SUMF2: variants seen among roughly 807,000 people sequenced by gnomAD.
SUMF2 encodes the protein sulfatase modifying factor 2, also known as inactive C-alpha-formylglycine-generating enzyme 2.
In SUMF2, 45 loss-of-function variants were observed where a neutral mutation model predicts 44.8. The ratio of observed to expected loss-of-function variants is 1.00; its 90% confidence interval spans 0.79 to 1.29. SUMF2 has a LOEUF of 1.29. SUMF2 is among the 50% of genes most tolerant of loss of function. The probability of loss-of-function intolerance (pLI) is 0.00; values close to 1 mark genes in which losing one functional copy is unlikely to be tolerated. For missense variants in SUMF2, 418 were observed against 389.9 expected (o/e 1.07, Z -0.61); for synonymous variants, 148 against 150.4 (o/e 0.98, Z 0.12).
rs767452018 is a variant in SUMF2, at chr7:56,079,754, A to AG, written c.*144dup. 33 of 1,566,964 alleles carry AG rather than the reference A, an allele frequency of 2.1e-5. No homozygotes were observed. The highest frequency in any genetic ancestry group is 2.9e-5 in the Non-Finnish European group (33 of 1,155,150). ...TCCCTGTCTCCCATCCCTCTGTGGC[A>AG]GGCGCCTCTCACCAGGGCAGGAGAG... On this transcript the variant is annotated 3_prime_UTR_variant, in exon 9 of 9. Transcript: ENST00000434526.
At chr7:56,084,192 C>T (rs540982575), downstream of SUMF2, 125 of 1,534,972 alleles carry the variant, frequency 8.1e-5, 1 homozygote, top group African/African-American at 1.5e-3. Context: ...TTGGGAGAGT[C>T]CCAGCCCAAG....
At chr7:56,084,165 C>T (rs1796149614), downstream of SUMF2, 1 of 1,531,570 alleles carries the variant, frequency 6.5e-7, no homozygotes, top group African/African-American at 1.4e-5. Flanking sequence ...CTGCCCTGGG[C>T]CCTGAAGTTG....
At chr7:56,068,677 T>C (rs755418277) in intron 2 of SUMF2, 39 bp downstream of exon 2, 17 of 1,570,328 alleles carry the variant, frequency 1.1e-5, no homozygotes, top group Non-Finnish European at 1.5e-5. Context: ...GAAGACCCTC[T>C]CTAATCTCAT....
chr7:56,078,261 G>A, intron 7 of SUMF2, 75 bp downstream of exon 7: 1 of 1,571,080 alleles, frequency 6.4e-7, no homozygotes, highest in Non-Finnish European at 8.7e-7. Flanking sequence ...AGAGGAGGCA[G>A]AGGGAAGCAC....
chr7:56,086,429 T>A, the SUMF2 span, among the ~76,000 whole-genome samples: 1 of 152,148 alleles, frequency 6.6e-6, no homozygotes, highest in Non-Finnish European at 1.5e-5. Flanking sequence ...TCCCAGCACT[T>A]TGGGAGGCCG....
the SUMF2 span, chr7:56,087,557 CA>C: frequency 1.3e-5 from 21 of 1,589,784 alleles, 1 homozygote; most frequent in South Asian, 2.2e-4. Flanking sequence ...GGCAGAATCA[CA>C]GGGGGGCACC....
At chr7:56,075,537 A>G (rs1795478834) in intron 5 of SUMF2, among the ~76,000 whole-genome samples, 1 of 151,666 alleles carries the variant, frequency 6.6e-6, no homozygotes, top group African/African-American at 2.4e-5. Flanking sequence ...TCTACTAAAA[A>G]TACAAAAAAA....
chr7:56,076,780 C>G (rs1795580777), intron 5 of SUMF2, 54 bp from the exon 6 acceptor site: 3 of 1,487,644 alleles, frequency 2.0e-6, no homozygotes, highest in Non-Finnish European at 2.7e-6. Flanking sequence ...TTCTTTTTTC[C>G]TTCCCTAATT....
chr7:56,079,554 C>CA lies in SUMF2; in HGVS notation c.849dup (p.Asp284ArgfsTer31), dbSNP rs1364249286. 1 of 1,613,784 alleles carries CA rather than the reference C, an allele frequency of 6.2e-7. No homozygotes were observed. The highest frequency in any genetic ancestry group is 8.5e-7 in the Non-Finnish European group (1 of 1,179,788). On this transcript the variant is annotated frameshift_variant, in exon 9 of 9. Transcript: ENST00000434526. LOFTEE classifies it high-confidence loss of function. ...ATGGGCAACACTCCAGATTCAGCCTCAGACAACCTCGGTTTCCGCTGTGCT... is the reference window on the plus strand; with the variant it reads ...ATGGGCAACACTCCAGATTCAGCCTCAAGACAACCTCGGTTTCCGCTGTGCT...
downstream of SUMF2, chr7:56,082,310 A>C (rs1796043247): frequency 7.1e-7 from 1 of 1,401,616 alleles, no homozygotes; most frequent in Admixed American, 1.8e-5. Context: ...GAGGAAGTCC[A>C]GGCTGGCCGC....
the SUMF2 span, chr7:56,087,607 G>A: frequency 6.2e-7 from 1 of 1,613,126 alleles, no homozygotes; most frequent in East Asian, 2.2e-5. Context: ...CTGATGTTGG[G>A]GTGCCCTGAG....
chr7:56,069,972 G>A (rs748899929), intron 2 of SUMF2, among the ~76,000 whole-genome samples: 8 of 151,980 alleles, frequency 5.3e-5, no homozygotes, highest in Non-Finnish European at 8.8e-5. Context: ...GCAATGGTGC[G>A]ATCTCAGCTC....
chr7:56,068,031 CTTTTT>C lies in SUMF2; in HGVS notation c.68-434_68-430del, dbSNP rs565131237. 1.8e-3 allele frequency among the ~76,000 whole-genome samples: 203 copies of C among 110,342 alleles called. 1 individual carries two copies. Among genetic ancestry groups the C allele is most frequent in the Middle Eastern group, 4.5e-3 (1 of 222 alleles). The allele number at this position is 110,342 out of a possible 152,430, so 72.4% of individuals were successfully genotyped here. A position where few individuals can be genotyped will look rare whatever the true frequency, so the allele number is the denominator to read the frequency against. On this transcript the variant is annotated intron_variant, in intron 1 of 8. Coordinates refer to ENST00000434526, the MANE Select transcript of SUMF2 (RefSeq NM_015411.4). ...CAAAAGGAATTTTCTTTTTTTCTTT[CTTTTT>C]TTTTTTTTTTTTTTTTGAGACAGAG...
Position 56,076,839 on chromosome 7 carries a change from G to A in SUMF2, c.541G>A (p.Val181Ile). 2 of 1,597,526 alleles carry A rather than the reference G, an allele frequency of 1.3e-6. No individual in the cohort carries two copies. The highest frequency in any genetic ancestry group is 1.7e-6 in the Non-Finnish European group (2 of 1,171,360). Reference sequence around the variant, plus strand: ...CCTCCTTGCTCTCCTCGCAGGTCAAGTTTACCCATGGGGGAACTGGTTCCA... The same window carrying A: ...CCTCCTTGCTCTCCTCGCAGGTCAAATTTACCCATGGGGGAACTGGTTCCA... ...FAARGGLKGQ[V>I]YPWGNWFQPN... The change falls in exon 6 of 9, where the codon GTT (valine) becomes ATT (isoleucine). Residue 181 changes from valine (V) to isoleucine (I), a missense_variant. Physicochemically the swap from Val to Ile is conservative, Grantham distance 29. Transcript: ENST00000434526.
At chr7:56,087,094 G>T in the SUMF2 span, 5 of 1,182,356 alleles carry the variant, frequency 4.2e-6, no homozygotes, top group Admixed American at 1.7e-5. Context: ...GGGCACGGGG[G>T]TCAGGGACCG....
At chr7:56,077,214 T>G (rs1795621697) in intron 6 of SUMF2, among the ~76,000 whole-genome samples, 1 of 150,702 alleles carries the variant, frequency 6.6e-6, no homozygotes, top group Non-Finnish European at 1.5e-5. Flanking sequence ...GCCCAGCTAA[T>G]TTTTTTGTAT....
chr7:56,064,325 G>T lies in SUMF2; in HGVS notation c.14G>T (p.Gly5Val), dbSNP rs1403752883. 6.3e-7 allele frequency: 1 copy of T among 1,598,010 alleles called. No homozygotes were observed. Among genetic ancestry groups the T allele is most frequent in the East Asian group, 2.3e-5 (1 of 44,254 alleles). The change falls in exon 1 of 9, where the codon GGG becomes GTG. Residue 5 changes from glycine to valine, a missense_variant. Physicochemically the swap from Gly to Val is moderately radical, Grantham distance 109. Transcript: ENST00000434526. Reference sequence around the variant, plus strand: ...GCGGCAGTCCTGATGGCCCGGCATGGGTTACCGCTGCTGCCCCTGCTGTCG... The same window carrying T: ...GCGGCAGTCCTGATGGCCCGGCATGTGTTACCGCTGCTGCCCCTGCTGTCG... MARHGLPLLPLLSLL... is the reference protein window; with the variant it reads MARHVLPLLPLLSLL...
downstream of SUMF2, chr7:56,081,176 C>T (rs768600789): frequency 2.0e-5 from 33 of 1,613,780 alleles, no homozygotes; most frequent in Admixed American, 1.0e-4. The surrounding 1 kb of genome is among the most constrained non-coding windows in gnomAD (Gnocchi z 4.6). Context: ...GCGTAGGCGT[C>T]GATGAGCCGG....
At chr7:56,079,421 A>T in intron 8 of SUMF2, 107 bp from the exon 9 acceptor site, 1 of 1,145,458 alleles carries the variant, frequency 8.7e-7, no homozygotes, top group Non-Finnish European at 1.2e-6. Flanking sequence ...CCCAGCCCTC[A>T]TGCTCCCTGA....
Sources: allele counts gnomAD v4.1 joint callset (sites outside exome capture counted in the v4.1 genomes callset), GRCh38; gene constraint gnomAD v4.1.1; non-coding constraint Gnocchi (gnomAD v3.1); transcripts MANE v1.5; gene names NCBI Gene and HGNC (gene_info 2026-07-23, HGNC 2026-07-21).